The following TRMT11 variants were observed in gnomAD, a reference collection of about 807,000 sequenced individuals.
TRMT11 encodes the protein tRNA (guanine(10)-N(2))-methyltransferase TRMT11.
Under a neutral mutation model 62.8 loss-of-function variants are expected in TRMT11, and 53 were observed. The observed-to-expected ratio is 0.84, with a 90% confidence interval of 0.68 to 1.06. The LOEUF (loss-of-function observed/expected upper bound fraction) is 1.06, where lower values mean the gene tolerates loss of function less well. TRMT11 is among the 50% of genes least tolerant of loss of function. The probability of loss-of-function intolerance (pLI) is 0.00; values close to 1 mark genes in which losing one functional copy is unlikely to be tolerated. For missense variants in TRMT11, 556 were observed against 553.4 expected, an observed-to-expected ratio of 1.00 and a Z score of -0.05; for synonymous variants, 188 against 190.3, an observed-to-expected ratio of 0.99 and a Z score of 0.10.
At chr6:126,023,634 G>A (rs979618671) in intron 12 of TRMT11, among the ~76,000 whole-genome samples, 2 of 152,042 alleles carry the variant, frequency 1.3e-5, no homozygotes, top group African/African-American at 4.8e-5. Flanking sequence ...GTGACAGAGT[G>A]AGACTCTGTC....
intron 17 of TRMT11, among the ~76,000 whole-genome samples, chr6:126,093,631 A>ATTTTTTTTTTTTTTTTTTT (rs145963759): frequency 4.1e-5 from 4 of 98,016 alleles, no homozygotes; most frequent in African/African-American, 1.7e-4. Flanking sequence ...ATATATATAT[A>ATTTTTTTTTTTTTTTTTTT]TTTTCCCCCA....
chr6:126,058,606 A>G (rs1776438378), intron 17 of TRMT11, among the ~76,000 whole-genome samples: 1 of 152,206 alleles, frequency 6.6e-6, no homozygotes, highest in Non-Finnish European at 1.5e-5. Context: ...GGGACACCAA[A>G]AACCCATCAA....
At chr6:126,256,854 T>C in the TRMT11 span, among the ~76,000 whole-genome samples, 2 of 152,062 alleles carry the variant, frequency 1.3e-5, no homozygotes, top group African/African-American at 4.8e-5. Flanking sequence ...GTAGCCTGTG[T>C]TTTTTTGTTT....
the TRMT11 span, among the ~76,000 whole-genome samples, chr6:126,267,189 A>G: frequency 6.6e-6 from 1 of 152,190 alleles, no homozygotes; most frequent in Non-Finnish European, 1.5e-5. Context: ...TCAAGGTCAC[A>G]GTTTCTTAAT....
chr6:126,203,514 G>A (rs142064634), downstream of TRMT11, among the ~76,000 whole-genome samples: 90 of 152,268 alleles, frequency 5.9e-4, 1 homozygote, highest in East Asian at 0.01. Context: ...AAATTTGGGG[G>A]CAGTGAAAAG....
At chr6:126,214,228 A>G in the TRMT11 span, among the ~76,000 whole-genome samples, 1 of 151,998 alleles carries the variant, frequency 6.6e-6, no homozygotes, top group Non-Finnish European at 1.5e-5. Context: ...TAGTTTTGGT[A>G]TCAAGGTAAT....
chr6:126,111,113 T>A (rs969611806), intron 17 of TRMT11, among the ~76,000 whole-genome samples: 4 of 152,054 alleles, frequency 2.6e-5, no homozygotes, highest in African/African-American at 9.7e-5. Flanking sequence ...TGCTGCATGA[T>A]CTAACACTTT....
intron 17 of TRMT11, among the ~76,000 whole-genome samples, chr6:126,106,365 G>A (rs770978108): frequency 1.7e-4 from 26 of 151,968 alleles, no homozygotes; most frequent in Admixed American, 3.9e-4. Context: ...GGCTGGTTTC[G>A]AACTCCTGGC....
At chr6:126,226,265 G>A in the TRMT11 span, among the ~76,000 whole-genome samples, 5,093 of 152,098 alleles carry the variant, frequency 0.033, 247 homozygotes, top group African/African-American at 0.12. Flanking sequence ...AAATAAACTC[G>A]TAATTTTGAC....
At chr6:126,241,271 C>T in the TRMT11 span, among the ~76,000 whole-genome samples, 84 of 152,270 alleles carry the variant, frequency 5.5e-4, 2 homozygotes, top group African/African-American at 1.5e-3. Flanking sequence ...AGAAATCATC[C>T]GTCTTCTGTG....
At position 126,146,867 on chromosome 6, in the gene TRMT11, A is replaced by G. The variant is rs145980529; in HGVS notation, c.*1824-27958A>G. Among the ~76,000 whole-genome samples the G allele has an allele frequency of 1.9e-3, 74 of 38,620 alleles. 26 individuals are homozygous for G. Among genetic ancestry groups the G allele is most frequent in the African/African-American group, 8.3e-3 (68 of 8,166 alleles). 25.3% of individuals were successfully genotyped at this position (38,620 alleles called of 152,430 possible). A position where few individuals can be genotyped will look rare whatever the true frequency, so the allele number is the denominator to read the frequency against. On this transcript the variant is annotated intron_variant and NMD_transcript_variant, in intron 21 of 22. Transcript: ENST00000648977. ...AGTTCTCCATAAGTAGTAACTACTG[A>G]TATTACTAAATTATTTATATTGTTT...
intron 17 of TRMT11, among the ~76,000 whole-genome samples, chr6:126,064,977 T>G (rs1776645031): frequency 6.6e-6 from 1 of 152,166 alleles, no homozygotes; most frequent in African/African-American, 2.4e-5. Flanking sequence ...GCTTTTACTT[T>G]AGATGTGTGA....
At chr6:126,110,018 A>G (rs977928147) in intron 17 of TRMT11, among the ~76,000 whole-genome samples, 1 of 152,164 alleles carries the variant, frequency 6.6e-6, no homozygotes, top group African/African-American at 2.4e-5. Context: ...TGGGTCTGAG[A>G]GACTGAGGAA....
intron 17 of TRMT11, among the ~76,000 whole-genome samples, chr6:126,067,884 A>G (rs1776735755): frequency 6.6e-6 from 1 of 152,170 alleles, no homozygotes; most frequent in South Asian, 2.1e-4. Context: ...AGGTAGGTGT[A>G]CACTACTTTT....
chr6:126,135,763 C>A (rs1777842791), intron 21 of TRMT11, among the ~76,000 whole-genome samples: 1 of 151,712 alleles, frequency 6.6e-6, no homozygotes, highest in Admixed American at 6.6e-5. Context: ...CAGAATTCAA[C>A]AACCCGTTAA....
intron 17 of TRMT11, among the ~76,000 whole-genome samples, chr6:126,065,644 C>T (rs1776667644): frequency 1.3e-5 from 2 of 152,068 alleles, no homozygotes; most frequent in African/African-American, 4.8e-5. Flanking sequence ...GTACTTGTCT[C>T]CTAGGATTGT....
At chr6:126,159,663 AAC>A (rs1339169202) in intron 21 of TRMT11, among the ~76,000 whole-genome samples, 4 of 152,220 alleles carry the variant, frequency 2.6e-5, no homozygotes, top group Non-Finnish European at 5.9e-5. Flanking sequence ...AGAGGCTTAA[AAC>A]AGTGGAATTT....
At chr6:126,090,249 C>G (rs999937804) in intron 17 of TRMT11, among the ~76,000 whole-genome samples, 2 of 152,174 alleles carry the variant, frequency 1.3e-5, no homozygotes, top group African/African-American at 4.8e-5. Context: ...AGAGTGAAGC[C>G]TCTTTGGTGC....
chr6:126,174,436 A>G (rs983814414), upstream of TRMT11, among the ~76,000 whole-genome samples: 16 of 152,186 alleles, frequency 1.1e-4, no homozygotes, highest in African/African-American at 3.1e-4. Flanking sequence ...TTACCAAAAT[A>G]TGGAAATTTC....
Sources: gnomAD v4.1 joint callset for allele counts (sites outside exome capture counted in the v4.1 genomes callset) on GRCh38, gnomAD v4.1.1 for gene constraint, MANE v1.5 for transcripts, NCBI Gene and HGNC (gene_info 2026-07-23, HGNC 2026-07-21) for gene names.